LRRC4C: variants seen among roughly 807,000 people sequenced by gnomAD.
The protein encoded by LRRC4C is leucine rich repeat containing 4C.
LRRC4C carries 5 observed loss-of-function variants against 33.6 expected under a neutral mutation model. The ratio of observed to expected loss-of-function variants is 0.15; its 90% CI spans 0.08 to 0.31. The LOEUF (loss-of-function observed/expected upper bound fraction) is 0.31. Ranked by LOEUF, LRRC4C falls within the 10% of genes least tolerant of loss-of-function variation. LRRC4C has a pLI of 1.00. For synonymous variants in LRRC4C, 329 were observed against 302.0 expected, an observed-to-expected ratio of 1.09 and a Z score of -0.93; for missense variants, 560 against 796.7, an observed-to-expected ratio of 0.70 and a Z score of 3.58.
At chr11:40,810,603 T>C (rs1015296794) in intron 2 of LRRC4C, among the ~76,000 whole-genome samples, 8 of 152,178 alleles carry the variant, frequency 5.3e-5, no homozygotes, top group Admixed American at 6.5e-5. Flanking sequence ...CTTGGTATCT[T>C]ACCTCCCATT....
intron 5 of LRRC4C, among the ~76,000 whole-genome samples, chr11:40,202,336 T>TC (rs1392265210): frequency 6.6e-6 from 1 of 151,792 alleles, no homozygotes; most frequent in Non-Finnish European, 1.5e-5. Flanking sequence ...ACAACTGTGT[T>TC]CCCACTCACA....
chr11:41,170,017 G>A, intron 1 of LRRC4C, among the ~76,000 whole-genome samples: 1 of 152,022 alleles, frequency 6.6e-6, no homozygotes, highest in East Asian at 1.9e-4. Flanking sequence ...TATAATTGTT[G>A]AAACAATGTG....
chr11:41,105,371 G>A (rs1941434047), intron 1 of LRRC4C, among the ~76,000 whole-genome samples: 1 of 151,878 alleles, frequency 6.6e-6, no homozygotes, highest in African/African-American at 2.4e-5. Context: ...AGTTCCAATT[G>A]CATCTTATAT....
intron 3 of LRRC4C, among the ~76,000 whole-genome samples, chr11:40,600,993 G>C (rs549218286): frequency 1.3e-5 from 2 of 152,258 alleles, no homozygotes; most frequent in African/African-American, 4.8e-5. Context: ...GTATAGACCT[G>C]TTAACTGAAC....
chr11:40,905,130 G>C (rs1956363806), intron 2 of LRRC4C, among the ~76,000 whole-genome samples: 2 of 152,144 alleles, frequency 1.3e-5, no homozygotes, highest in African/African-American at 4.8e-5. Flanking sequence ...CAATTAAAGG[G>C]GGTGGAATAG....
At chr11:41,438,639 A>G (rs1433728622) in intron 1 of LRRC4C, among the ~76,000 whole-genome samples, 1 of 152,204 alleles carries the variant, frequency 6.6e-6, no homozygotes, top group African/African-American at 2.4e-5. Flanking sequence ...GAGATGGAGT[A>G]AAACAAGTAA....
chr11:41,450,839 C>A (rs778124221), intron 1 of LRRC4C, among the ~76,000 whole-genome samples: 4 of 152,088 alleles, frequency 2.6e-5, no homozygotes, highest in African/African-American at 7.2e-5. Flanking sequence ...CTTCTAATTT[C>A]TCCTCGGAAA....
intron 1 of LRRC4C, among the ~76,000 whole-genome samples, chr11:41,221,351 A>ATACC (rs1341976007): frequency 2.0e-5 from 3 of 152,168 alleles, no homozygotes; most frequent in Non-Finnish European, 4.4e-5. Context: ...ACACGATGAG[A>ATACC]TACCATTTAA....
chr11:40,369,694 T>C (rs1948367972), intron 3 of LRRC4C, among the ~76,000 whole-genome samples: 1 of 152,258 alleles, frequency 6.6e-6, no homozygotes, highest in Non-Finnish European at 1.5e-5. Context: ...CATAATTGTA[T>C]ATATTTATTG....
rs11366324 is a variant in LRRC4C, at chr11:41,090,015, CAA to C, written c.-495-156294_-495-156293del. 7.4e-4 allele frequency among the ~76,000 whole-genome samples: 111 copies of C among 150,574 alleles called. 1 individual carries two copies. The highest frequency in any genetic ancestry group is 2.6e-3 in the African/African-American group (107 of 41,056). On this transcript the variant is annotated intron_variant, in intron 1 of 6. Coordinates refer to ENST00000528697, the MANE Select transcript of LRRC4C (RefSeq NM_001258419.2). The stretch of plus-strand genomic sequence containing the variant: ...ATAGTAAGAATAGAATATTGATATT[CAA>C]AAAAAAATTCATGGAAAGACTAAAT...
chr11:40,626,204 A>G (rs1159378679), intron 3 of LRRC4C, among the ~76,000 whole-genome samples: 1 of 152,092 alleles, frequency 6.6e-6, no homozygotes, highest in Non-Finnish European at 1.5e-5. Context: ...CCTCTGCCGG[A>G]AAGAACATTT....
chr11:40,874,551 C>A (rs1954796729), intron 2 of LRRC4C, among the ~76,000 whole-genome samples: 1 of 152,042 alleles, frequency 6.6e-6, no homozygotes, highest in Non-Finnish European at 1.5e-5. Context: ...TTCTTCACAT[C>A]ACTTTTTTTC....
At chr11:40,686,250 C>T (rs929903734) in intron 2 of LRRC4C, among the ~76,000 whole-genome samples, 2 of 151,982 alleles carry the variant, frequency 1.3e-5, no homozygotes, top group Admixed American at 1.3e-4. Flanking sequence ...AGTATAGTGG[C>T]TATCTTGATA....
At chr11:41,451,543 C>A (rs1956026045) in intron 1 of LRRC4C, among the ~76,000 whole-genome samples, 1 of 151,942 alleles carries the variant, frequency 6.6e-6, no homozygotes, top group Non-Finnish European at 1.5e-5. Flanking sequence ...CTTGAAGCAG[C>A]ACAAACACAT....
chr11:41,188,971 T>C (rs1041580273), intron 1 of LRRC4C, among the ~76,000 whole-genome samples: 1 of 145,398 alleles, frequency 6.9e-6, no homozygotes, highest in African/African-American at 2.5e-5. Context: ...TCTTATTAAA[T>C]AAAAATTATA....
At chr11:40,989,274 T>C (rs1853326898) in intron 1 of LRRC4C, among the ~76,000 whole-genome samples, 1 of 152,172 alleles carries the variant, frequency 6.6e-6, no homozygotes, top group South Asian at 2.1e-4. Context: ...CAGTAGTATC[T>C]TGAGTGCTTT....
At chr11:40,950,677 G>T (rs1416678636) in intron 1 of LRRC4C, among the ~76,000 whole-genome samples, 1 of 151,948 alleles carries the variant, frequency 6.6e-6, no homozygotes. Context: ...ATACAAAAAT[G>T]TATAAATAAC....
At chr11:40,584,977 C>G (rs1015665509) in intron 3 of LRRC4C, among the ~76,000 whole-genome samples, 2 of 148,794 alleles carry the variant, frequency 1.3e-5, no homozygotes, top group Non-Finnish European at 3.0e-5. Flanking sequence ...GAAAGTTTAA[C>G]CTGCAGTGAA....
chr11:40,525,947 T>G (rs12276963), intron 3 of LRRC4C, among the ~76,000 whole-genome samples: 13,374 of 152,194 alleles, frequency 0.088, 1,671 homozygotes, highest in African/African-American at 0.28. Flanking sequence ...TGTTATCACT[T>G]TATTCATAAC....
Sources: allele counts gnomAD v4.1 joint callset (sites outside exome capture counted in the v4.1 genomes callset), GRCh38; gene constraint gnomAD v4.1.1; transcripts MANE v1.5; gene names NCBI Gene and HGNC (gene_info 2026-07-23, HGNC 2026-07-21).